CHN1: variants seen among roughly 807,000 people sequenced by gnomAD.
CHN1 encodes the protein chimerin 1, also known as N-chimaerin.
Under a neutral mutation model 59.5 loss-of-function variants are expected in CHN1, and 37 were observed. The ratio of observed to expected loss-of-function variants is 0.62; its 90% CI spans 0.48 to 0.82. CHN1 has a LOEUF of 0.82. CHN1 is among the 40% of genes least tolerant of loss of function. The probability of loss-of-function intolerance (pLI) is 0.00; values close to 1 mark genes in which losing one functional copy is unlikely to be tolerated. For synonymous variants in CHN1, 206 were observed against 200.4 expected, an observed-to-expected ratio of 1.03 and a Z score of -0.24; for missense variants, 469 against 571.0, an observed-to-expected ratio of 0.82 and a Z score of 1.82.
At chr2:174,846,844 T>C (rs556676655) in intron 7 of CHN1, 36 bp downstream of exon 7, 5 of 1,485,678 alleles carry the variant, frequency 3.4e-6, no homozygotes, top group East Asian at 4.9e-5. Flanking sequence ...TCAAGTAATA[T>C]GCATTTCTTA....
chr2:174,848,073 T>C (rs978003668), intron 6 of CHN1, among the ~76,000 whole-genome samples: 4 of 152,204 alleles, frequency 2.6e-5, no homozygotes, highest in Non-Finnish European at 5.9e-5. Flanking sequence ...CTAGGTATCA[T>C]ACTATTTTCA....
rs145683431 is a variant in CHN1 at position 174,879,330 on chromosome 2, G to T, written c.261-1202C>A. The stretch of plus-strand genomic sequence containing the variant: ...ATATTTTTTAAAATAATAGCCAGAC[G>T]ATGTCTGTTTCTGTAGTTCAAATTA... On this transcript the variant is annotated intron_variant, in intron 5 of 12. Transcript: ENST00000409900. 5.4e-3 allele frequency among the ~76,000 whole-genome samples: 823 copies of T among 152,260 alleles called. 4 individuals are homozygous for T. Among genetic ancestry groups the T allele is most frequent in the African/African-American group, 0.019 (782 of 41,554 alleles).
At chr2:174,894,606 C>T (rs1688154514) in intron 5 of CHN1, among the ~76,000 whole-genome samples, 1 of 152,024 alleles carries the variant, frequency 6.6e-6, no homozygotes, top group Non-Finnish European at 1.5e-5. Context: ...TATGACCCAG[C>T]AATCCGACTT....
At chr2:174,818,199 G>A (rs749441600) in intron 8 of CHN1, among the ~76,000 whole-genome samples, 6 of 152,152 alleles carry the variant, frequency 3.9e-5, no homozygotes, top group African/African-American at 4.8e-5. Flanking sequence ...CTAAACTGAT[G>A]TTCTCTCTTT....
rs1238941518 is a variant in CHN1 at position 175,005,372 on chromosome 2, C to T, written c.-460G>A. ...CCTCGCAGACGCCATCTTGCGATAG[C>T]GTCTCCCACGAGCTCGGCCGCGCCG... On this transcript the variant is annotated 5_prime_UTR_variant, in exon 1 of 13. Coordinates refer to ENST00000409900, the MANE Select transcript of CHN1 (RefSeq NM_001822.7). 69 of 1,087,026 alleles carry T rather than the reference C, an allele frequency of 6.3e-5. No homozygotes were observed. The highest frequency in any genetic ancestry group is 1.6e-4 in the East Asian group (2 of 12,558). 67.3% of individuals were successfully genotyped at this position (1,087,026 alleles called of 1,614,324 possible). A position where few individuals can be genotyped will look rare whatever the true frequency, so the allele number is the denominator to read the frequency against.
At chr2:174,949,321 T>C (rs1689946232) in intron 2 of CHN1, among the ~76,000 whole-genome samples, 1 of 152,206 alleles carries the variant, frequency 6.6e-6, no homozygotes, top group African/African-American at 2.4e-5. Context: ...TTAGAATGCA[T>C]TTATTTATTT....
chr2:174,847,327 T>C (rs1686554956), intron 6 of CHN1: 8 of 1,311,572 alleles, frequency 6.1e-6, no homozygotes, highest in Non-Finnish European at 7.7e-6. Context: ...AAATTCTTCT[T>C]TCTTCCTTTT....
chr2:174,842,292 CTG>C (rs146896976), intron 7 of CHN1, among the ~76,000 whole-genome samples: 929 of 152,258 alleles, frequency 6.1e-3, no homozygotes, highest in Middle Eastern at 0.017. Flanking sequence ...GTGATAGACA[CTG>C]TTTCTGAATA....
At chr2:174,963,780 G>A (rs1289686971) in intron 1 of CHN1, among the ~76,000 whole-genome samples, 1 of 152,150 alleles carries the variant, frequency 6.6e-6, no homozygotes, top group Non-Finnish European at 1.5e-5. Context: ...CCAGGCAACA[G>A]GAAAGCCAAA....
At position 174,811,561 on chromosome 2, in the gene CHN1, A is replaced by T; in HGVS notation, c.914T>A (p.Val305Glu). ...RGLNSEGLYR[V>E]SGFSDLIEDV... ...TTCAATTAGGTCACTAAATCCTGATACTCGGTATAGTCCTTCAGAATTAAG... is the reference window on the plus strand; with the variant it reads ...TTCAATTAGGTCACTAAATCCTGATTCTCGGTATAGTCCTTCAGAATTAAG... The change falls in exon 10 of 13, where the codon GTA becomes GAA. Residue 305 changes from valine to glutamate, a missense_variant. Transcript: ENST00000409900. 2 of 1,611,216 alleles carry T rather than the reference A, an allele frequency of 1.2e-6. No homozygotes were observed. Among genetic ancestry groups the T allele is most frequent in the Non-Finnish European group, 1.7e-6 (2 of 1,178,270 alleles).
chr2:174,876,504 G>A (rs2105332310), intron 6 of CHN1, among the ~76,000 whole-genome samples: 1 of 152,202 alleles, frequency 6.6e-6, no homozygotes, highest in South Asian at 2.1e-4. Flanking sequence ...AATACAGCAG[G>A]TATTAAGGAT....
chr2:175,005,346 G>A lies in CHN1; in HGVS notation c.-434C>T, dbSNP rs895645882. 4 of 1,151,768 alleles carry A rather than the reference G, an allele frequency of 3.5e-6. No individual in the cohort carries two copies. Among genetic ancestry groups the A allele is most frequent in the South Asian group, 1.8e-5 (1 of 54,614 alleles). The allele number at this position is 1,151,768 out of a possible 1,614,324, so 71.3% of individuals were successfully genotyped here. On this transcript the variant is annotated 5_prime_UTR_variant, in exon 1 of 13. Coordinates refer to ENST00000409900, the MANE Select transcript of CHN1 (RefSeq NM_001822.7). ...GGGCGCGCTCACTCCGCATCCCGCG[G>A]CCTCGCAGACGCCATCTTGCGATAG...
intron 1 of CHN1, among the ~76,000 whole-genome samples, chr2:174,963,479 C>T (rs1690486003): frequency 1.3e-5 from 2 of 152,052 alleles, no homozygotes; most frequent in South Asian, 4.1e-4. Context: ...CAGAAGGACA[C>T]TAAACAGAGG....
chr2:174,931,805 G>A (rs1187790238), intron 3 of CHN1, among the ~76,000 whole-genome samples: 1 of 152,186 alleles, frequency 6.6e-6, no homozygotes, highest in Non-Finnish European at 1.5e-5. Context: ...GAACGAATGA[G>A]CCAAGAGTGT....
chr2:174,961,552 T>C (rs937993357), intron 1 of CHN1, among the ~76,000 whole-genome samples: 23 of 151,028 alleles, frequency 1.5e-4, no homozygotes, highest in Admixed American at 1.5e-3. Flanking sequence ...GATTGCGCCA[T>C]TGCACTCCAG....
chr2:174,969,829 G>C (rs188121337), intron 1 of CHN1, among the ~76,000 whole-genome samples: 2 of 152,202 alleles, frequency 1.3e-5, no homozygotes, highest in Non-Finnish European at 2.9e-5. Context: ...TTGTCACACT[G>C]CTGTGTTCTT....
chr2:174,904,020 T>C (rs1688466668), intron 5 of CHN1, among the ~76,000 whole-genome samples: 1 of 152,136 alleles, frequency 6.6e-6, no homozygotes, highest in Non-Finnish European at 1.5e-5. Flanking sequence ...CCCGGCACTT[T>C]TGGAGGCTGA....
chr2:174,801,928 G>A (rs2646153), intron 11 of CHN1, 116 bp from the exon 12 acceptor site: 400,622 of 787,364 alleles, frequency 0.51, 105,065 homozygotes, highest in African/African-American at 0.75. Context: ...ATGCTTTCTC[G>A]TAATTCCTTG....
At chr2:174,927,071 T>A (rs1172516067) in intron 3 of CHN1, among the ~76,000 whole-genome samples, 1 of 152,058 alleles carries the variant, frequency 6.6e-6, no homozygotes, top group Non-Finnish European at 1.5e-5. Context: ...CCACACCTTT[T>A]TCAAATTCCT....
Sources: allele counts gnomAD v4.1 joint callset (sites outside exome capture counted in the v4.1 genomes callset), GRCh38; gene constraint gnomAD v4.1.1; transcripts MANE v1.5; gene names NCBI Gene and HGNC (gene_info 2026-07-23, HGNC 2026-07-21).